TNNC2: variants seen among roughly 807,000 people sequenced by gnomAD.
The protein encoded by TNNC2 is troponin C2, fast skeletal type, also known as troponin C, skeletal muscle.
A neutral mutation model predicts 20.0 loss-of-function variants in TNNC2; 14 were observed. The observed-to-expected ratio is 0.70, with a 90% confidence interval of 0.46 to 1.09. The LOEUF is 1.09. Among genes scored for constraint, TNNC2 ranks in the 50% least tolerant of loss-of-function variants. TNNC2 has a pLI of 0.00. For missense variants in TNNC2, 163 were observed against 223.8 expected (o/e 0.73, Z 1.73); for synonymous variants, 81 against 77.3 (o/e 1.05, Z -0.25).
rs1568720041 is a variant in TNNC2, at chr20:45,824,143, ACAGGGCAGGGCT to A, written c.315-28_315-17del. The stretch of plus-strand genomic sequence containing the variant: ...GTCTGCATTCCTTCAGGTCCGAGGG[ACAGGGCAGGGCT>A]CAGGGCCGGGGCGAGCTGCCCTGGC... On this transcript the variant is annotated splice_polypyrimidine_tract_variant and intron_variant, in intron 4 of 5. Coordinates refer to ENST00000372555, the MANE Select transcript of TNNC2 (RefSeq NM_003279.3). 1 of 1,613,258 alleles carries A rather than the reference ACAGGGCAGGGCT, an allele frequency of 6.2e-7. No individual in the cohort carries two copies. Among genetic ancestry groups the A allele is most frequent in the South Asian group, 1.1e-5 (1 of 91,070 alleles).
In TNNC2 at chr20:45,823,486, G is replaced by T; in HGVS notation, c.452-107C>A. ...ATGACTTTTTGTTTTTGTTTTTGTTGAGACAGAGTCTCACTCTGTTGCCAA... is the reference window on the plus strand; with the variant it reads ...ATGACTTTTTGTTTTTGTTTTTGTTTAGACAGAGTCTCACTCTGTTGCCAA... On this transcript the variant is annotated intron_variant, in intron 5 of 5. Transcript: ENST00000372555. This position sits in a 1 kb window ranked among gnomAD's most constrained non-coding sequence, Gnocchi z 4.6. 1 of 1,166,442 alleles carries T rather than the reference G, an allele frequency of 8.6e-7. No individual in the cohort carries two copies. The highest frequency in any genetic ancestry group is 1.5e-5 in the South Asian group (1 of 67,502). The allele number at this position is 1,166,442 out of a possible 1,614,324, so 72.3% of individuals were successfully genotyped here.
chr20:45,827,352 C>G (rs1028688963), upstream of TNNC2: 28 of 1,489,076 alleles, frequency 1.9e-5, no homozygotes, highest in African/African-American at 3.7e-4. Flanking sequence ...GTAGGGGCAC[C>G]CTCCCCTCCC....
chr20:45,827,386 A>AG (rs1255813433), upstream of TNNC2: 3 of 1,122,150 alleles, frequency 2.7e-6, no homozygotes, highest in African/African-American at 4.6e-5. Flanking sequence ...CCAGCACTGG[A>AG]GACCCTGCCC....
upstream of TNNC2, among the ~76,000 whole-genome samples, chr20:45,832,174 G>T (rs6130941): frequency 0.41 from 61,995 of 151,976 alleles, 15,197 homozygotes; most frequent in Non-Finnish European, 0.54. Flanking sequence ...TAGCCGCATG[G>T]TGGCACATGC....
chr20:45,824,704 C>A (rs1388366069), intron 2 of TNNC2, 66 bp from the exon 3 acceptor site: 27 of 1,578,622 alleles, frequency 1.7e-5, no homozygotes, highest in Non-Finnish European at 2.1e-5. Context: ...CTACCCCCCC[C>A]CAACCCCCAC....
chr20:45,823,413 C>G lies in TNNC2; in HGVS notation c.452-34G>C. On this transcript the variant is annotated intron_variant, in intron 5 of 5. Transcript: ENST00000372555. This position sits in a 1 kb window ranked among gnomAD's most constrained non-coding sequence, Gnocchi z 4.6. Reference sequence around the variant, plus strand: ...AAGGAGAGGGAGAGGGTCAGGGGTCCCACTGGGGACGCAGAGGCCAGGCCA... The same window carrying G: ...AAGGAGAGGGAGAGGGTCAGGGGTCGCACTGGGGACGCAGAGGCCAGGCCA... 6.3e-7 allele frequency: 1 copy of G among 1,580,988 alleles called. No homozygotes were observed. The highest frequency in any genetic ancestry group is 8.6e-7 in the Non-Finnish European group (1 of 1,163,840).
At chr20:45,831,522 T>C (rs929078102), upstream of TNNC2, among the ~76,000 whole-genome samples, 1 of 151,998 alleles carries the variant, frequency 6.6e-6, no homozygotes, top group Non-Finnish European at 1.5e-5. Context: ...GGAAAATCGC[T>C]TGAACCCAGG....
chr20:45,824,164 G>T, intron 4 of TNNC2, 37 bp from the exon 5 acceptor site: 1 of 1,608,378 alleles, frequency 6.2e-7, no homozygotes. Context: ...CTCAGGGCCG[G>T]GGCGAGCTGC....
In TNNC2 at chr20:45,824,492, C is replaced by A; in HGVS notation, c.199+3G>T. ...CCCCTGCCTCCGAGGGACACCCGCT[C>A]ACCGTCCTCATCCACCTCCTCGATG... On this transcript the variant is annotated splice_donor_region_variant and intron_variant, in intron 3 of 5. Coordinates refer to ENST00000372555, the MANE Select transcript of TNNC2 (RefSeq NM_003279.3). 1 of 1,613,528 alleles carries A rather than the reference C, an allele frequency of 6.2e-7. No homozygotes were observed. The highest frequency in any genetic ancestry group is 8.5e-7 in the Non-Finnish European group (1 of 1,180,000).
chr20:45,831,704 C>A (rs181268681), upstream of TNNC2, among the ~76,000 whole-genome samples: 2 of 152,058 alleles, frequency 1.3e-5, no homozygotes, highest in Non-Finnish European at 2.9e-5. Flanking sequence ...GTGGAGAATG[C>A]GCAACCTTCA....
intron 1 of TNNC2, among the ~76,000 whole-genome samples, chr20:45,825,806 G>C (rs1456382692): frequency 2.0e-5 from 3 of 152,010 alleles, no homozygotes; most frequent in African/African-American, 7.3e-5. Flanking sequence ...TTTTAGTAGA[G>C]ATGAGGTTTC....
At chr20:45,826,939 C>T (rs1394849504) in intron 1 of TNNC2, among the ~76,000 whole-genome samples, 2 of 152,182 alleles carry the variant, frequency 1.3e-5, no homozygotes, top group Non-Finnish European at 2.9e-5. Flanking sequence ...CACTCTGACC[C>T]CTCAGAGTCC....
intron 1 of TNNC2, among the ~76,000 whole-genome samples, chr20:45,826,864 C>T (rs1332370103): frequency 1.3e-5 from 2 of 152,208 alleles, no homozygotes; most frequent in Non-Finnish European, 2.9e-5. Flanking sequence ...TTTCTTCTCT[C>T]CATGATGATA....
intron 1 of TNNC2, 22 bp downstream of exon 1, chr20:45,827,224 C>T (rs775240803): frequency 4.3e-6 from 7 of 1,614,134 alleles, no homozygotes; most frequent in Non-Finnish European, 5.9e-6. Flanking sequence ...AGTAAAGGCA[C>T]AAAGTCCCCT....
In TNNC2 at chr20:45,824,518, A is replaced by G; in HGVS notation, c.176T>C (p.Ile59Thr). 6.2e-7 allele frequency: 1 copy of G among 1,613,538 alleles called. No individual in the cohort carries two copies. Among genetic ancestry groups the G allele is most frequent in the Non-Finnish European group, 8.5e-7 (1 of 1,179,998 alleles). The change falls in exon 3 of 6, where the codon ATC becomes ACC. Residue 59 changes from isoleucine (I) to threonine (T), a missense_variant. Coordinates refer to ENST00000372555, the MANE Select transcript of TNNC2 (RefSeq NM_003279.3). ...QTPTKEELDAIIEEVDEDGSG... is the reference protein window; with the variant it reads ...QTPTKEELDATIEEVDEDGSG... ...ACCGTCCTCATCCACCTCCTCGATG[A>G]TGGCGTCCAGCTCCTCCTTGGTGGG...
At chr20:45,825,512 G>A (rs886372839) in intron 1 of TNNC2, among the ~76,000 whole-genome samples, 19 of 151,462 alleles carry the variant, frequency 1.3e-4, no homozygotes, top group African/African-American at 4.6e-4. Context: ...GGCTGGTCTT[G>A]AACTCCTCAC....
chr20:45,828,755 A>C (rs1341342569), upstream of TNNC2, among the ~76,000 whole-genome samples: 2 of 152,142 alleles, frequency 1.3e-5, no homozygotes, highest in Non-Finnish European at 2.9e-5. Flanking sequence ...AAAGAGCACC[A>C]AGACAACCGA....
At chr20:45,824,447 C>G (rs762575463) in intron 3 of TNNC2, 41 bp from the exon 4 acceptor site, 2 of 1,611,732 alleles carry the variant, frequency 1.2e-6, no homozygotes, top group Non-Finnish European at 1.7e-6. Flanking sequence ...AGCCCAGCCG[C>G]TGCCGCCTCT....
In TNNC2 at chr20:45,824,815, G is replaced by T; in HGVS notation, c.23C>A (p.Ala8Asp). Residue 8 changes from alanine (A) to aspartate (D), a missense_variant, in exon 2 of 6, where the codon GCC (alanine) becomes GAC (aspartate). Coordinates refer to ENST00000372555, the MANE Select transcript of TNNC2 (RefSeq NM_003279.3). MTDQQAE[A>D]RSYLSEEMIA... ...CATCTCTTCGCTGAGGTAGGACCTG[G>T]CCTCAGCCTGCTGGTCCGTCTGCAG... The T allele has an allele frequency of 6.2e-7, 1 of 1,613,720 alleles. No individual in the cohort carries two copies. Among genetic ancestry groups the T allele is most frequent in the Non-Finnish European group, 8.5e-7 (1 of 1,179,972 alleles).
Sources: allele counts gnomAD v4.1 joint callset (sites outside exome capture counted in the v4.1 genomes callset), GRCh38; gene constraint gnomAD v4.1.1; non-coding constraint Gnocchi (gnomAD v3.1); transcripts MANE v1.5; gene names NCBI Gene and HGNC (gene_info 2026-07-23, HGNC 2026-07-21).